ZFAND1: variants seen among roughly 807,000 people sequenced by gnomAD.
ZFAND1 encodes the protein zinc finger AN1-type containing 1, also known as AN1-type zinc finger protein 1.
Under a neutral mutation model 38.5 loss-of-function variants are expected in ZFAND1, and 40 were observed. That is an observed-to-expected ratio of 1.04 (90% CI 0.81 to 1.35). The LOEUF (loss-of-function observed/expected upper bound fraction) is 1.35, where lower values mean the gene tolerates loss of function less well. Among genes scored for constraint, ZFAND1 ranks in the 40% most tolerant of loss-of-function variants. The pLI is 0.00. For missense variants in ZFAND1, 346 were observed against 316.3 expected (o/e 1.09, Z -0.71); for synonymous variants, 117 against 103.6 (o/e 1.13, Z -0.78).
chr8:81,707,981 G>C (rs1316658255), intron 6 of ZFAND1, among the ~76,000 whole-genome samples: 1 of 152,200 alleles, frequency 6.6e-6, no homozygotes, highest in African/African-American at 2.4e-5. Context: ...AGGCGCAGTG[G>C]CTCACGCCTA....
In ZFAND1 at chr8:81,702,555, T is replaced by A. The variant is rs1166742746; in HGVS notation, c.*140A>T. On this transcript the variant is annotated 3_prime_UTR_variant, in exon 8 of 8. Transcript: ENST00000220669. ...CCAAAAAACTCTAATAGAAAACTCATAATTTAAAATGTGACATAAGGGGAA... is the reference window on the plus strand; with the variant it reads ...CCAAAAAACTCTAATAGAAAACTCAAAATTTAAAATGTGACATAAGGGGAA... 13 of 689,460 alleles carry A rather than the reference T, an allele frequency of 1.9e-5. No individual in the cohort carries two copies. Among genetic ancestry groups the A allele is most frequent in the Non-Finnish European group, 2.7e-5 (13 of 473,322 alleles). 42.7% of individuals were successfully genotyped at this position (689,460 alleles called of 1,614,324 possible). A position where few individuals can be genotyped will look rare whatever the true frequency, so the allele number is the denominator to read the frequency against.
chr8:81,711,220 T>C (rs1277195364), intron 6 of ZFAND1, among the ~76,000 whole-genome samples: 1 of 152,128 alleles, frequency 6.6e-6, no homozygotes, highest in Non-Finnish European at 1.5e-5. Context: ...AAGACCAGCC[T>C]GACCAACGTG....
At chr8:81,721,002 C>T in intron 1 of ZFAND1, 1 of 543,524 alleles carries the variant, frequency 1.8e-6, no homozygotes, top group Non-Finnish European at 3.3e-6. Flanking sequence ...TCAGGAATTG[C>T]ATGGCTTCCT....
chr8:81,714,816 T>C lies in ZFAND1; in HGVS notation c.346A>G (p.Lys116Glu), dbSNP rs758085504. ...TCTAGATACTTACCAATAATGTCTT[T>C]AACAAGTTTCTGAGTGGCAGCCATT... ...PRMAATQKLV[K>E]DIIDSKTGET... Residue 116 changes from lysine (K) to glutamate (E), a missense_variant, in exon 5 of 8, where the codon AAA becomes GAA. Coordinates refer to ENST00000220669, the MANE Select transcript of ZFAND1 (RefSeq NM_024699.3). 1.2e-5 allele frequency: 20 copies of C among 1,614,046 alleles called. No homozygotes were observed. Among genetic ancestry groups the C allele is most frequent in the Non-Finnish European group, 1.6e-5 (19 of 1,179,906 alleles).
At chr8:81,704,448 G>T (rs762914753) in intron 6 of ZFAND1, among the ~76,000 whole-genome samples, 3 of 150,738 alleles carry the variant, frequency 2.0e-5, no homozygotes, top group Non-Finnish European at 4.4e-5. Context: ...TGAGGTGGGA[G>T]GATCACTTGA....
chr8:81,704,400 T>C lies in ZFAND1; in HGVS notation c.481-1276A>G, dbSNP rs570153597. ...AAAAGCACAAAAAATTAGCTGGGTA[T>C]AGTGGTGTGTGCTGGTAGTCCCAGC... On this transcript the variant is annotated intron_variant, in intron 6 of 7. Transcript: ENST00000220669. Among the ~76,000 whole-genome samples the C allele has an allele frequency of 7.2e-5, 11 of 151,956 alleles. No individual in the cohort carries two copies. In the South Asian group the frequency reaches 2.1e-3, roughly 29 times the overall value.
chr8:81,717,466 A>G (rs1808351531), intron 2 of ZFAND1, among the ~76,000 whole-genome samples, 178 bp from the exon 3 acceptor site: 1 of 152,194 alleles, frequency 6.6e-6, no homozygotes, highest in Non-Finnish European at 1.5e-5. Flanking sequence ...TAGTCTCAAA[A>G]GTTTTAAAAC....
chr8:81,710,855 A>T (rs1301525367), intron 6 of ZFAND1, among the ~76,000 whole-genome samples: 8 of 152,228 alleles, frequency 5.3e-5, no homozygotes, highest in African/African-American at 1.9e-4. Flanking sequence ...TAGCAAAAAC[A>T]CATCCATAGT....
chr8:81,708,880 A>G (rs1160554988), intron 6 of ZFAND1: 1 of 1,000,884 alleles, frequency 1.0e-6, no homozygotes, highest in African/African-American at 1.8e-5. Context: ...AGTACTAAAG[A>G]TGATTAAAAA....
At chr8:81,703,928 T>G (rs1282390130) in intron 6 of ZFAND1, among the ~76,000 whole-genome samples, 1 of 152,128 alleles carries the variant, frequency 6.6e-6, no homozygotes, top group Non-Finnish European at 1.5e-5. Flanking sequence ...TAAGACCAGA[T>G]CAATTCATTA....
intron 6 of ZFAND1, chr8:81,708,672 C>T: frequency 2.6e-6 from 2 of 774,838 alleles, no homozygotes; most frequent in Non-Finnish European, 3.2e-6. Context: ...AGCCACCAGA[C>T]TGTAAAATAT....
At chr8:81,714,736 A>G in intron 5 of ZFAND1, 68 bp downstream of exon 5, 1 of 1,373,430 alleles carries the variant, frequency 7.3e-7, no homozygotes, top group African/African-American at 1.4e-5. Flanking sequence ...CCATAATTGG[A>G]AAGTAGATAT....
intron 6 of ZFAND1, among the ~76,000 whole-genome samples, chr8:81,709,937 T>A (rs2130407803): frequency 6.6e-6 from 1 of 152,184 alleles, no homozygotes; most frequent in East Asian, 1.9e-4. Flanking sequence ...TCAAAGTAAG[T>A]CTTATAGAAG....
chr8:81,706,459 G>GGGATAGGAGAGAGTCAACT (rs1000436123), intron 6 of ZFAND1, among the ~76,000 whole-genome samples: 1 of 149,446 alleles, frequency 6.7e-6, no homozygotes, highest in African/African-American at 2.5e-5. Flanking sequence ...AAAAGATGAT[G>GGGATAGGAGAGAGTCAACT]GGATAGGAGA....
At chr8:81,709,649 A>C (rs1467143654) in intron 6 of ZFAND1, among the ~76,000 whole-genome samples, 1 of 152,156 alleles carries the variant, frequency 6.6e-6, no homozygotes, top group African/African-American at 2.4e-5. Context: ...ATGTATAAAC[A>C]CATAAGACAC....
At chr8:81,713,790 T>C (rs1808214193) in intron 6 of ZFAND1, 128 bp downstream of exon 6, 3 of 914,916 alleles carry the variant, frequency 3.3e-6, no homozygotes, top group Non-Finnish European at 5.1e-6. Flanking sequence ...TGCAGACATA[T>C]ACCATGCAAC....
chr8:81,714,549 A>G (rs957989294), intron 5 of ZFAND1: 4 of 413,756 alleles, frequency 9.7e-6, no homozygotes, highest in Non-Finnish European at 1.8e-5. Context: ...TTCTAGCCCA[A>G]TGGTTAACTA....
At chr8:81,708,702 T>C in intron 6 of ZFAND1, 1 of 988,200 alleles carries the variant, frequency 1.0e-6, no homozygotes, top group Non-Finnish European at 1.2e-6. Context: ...TGCTAATAGC[T>C]ACTGGAAACC....
intron 5 of ZFAND1, 170 bp downstream of exon 5, chr8:81,714,634 C>A: frequency 1.6e-6 from 1 of 608,116 alleles, no homozygotes; most frequent in Non-Finnish European, 2.8e-6. Context: ...AAATTTCCAT[C>A]GGTCAGGTAG....
Sources: gnomAD v4.1 joint callset for allele counts (sites outside exome capture counted in the v4.1 genomes callset) on GRCh38, gnomAD v4.1.1 for gene constraint, MANE v1.5 for transcripts, NCBI Gene and HGNC (gene_info 2026-07-23, HGNC 2026-07-21) for gene names.